The following CPVL variants were observed in gnomAD, a reference collection of about 807,000 sequenced individuals.
The protein encoded by CPVL is carboxypeptidase vitellogenic like.
In CPVL, 51 loss-of-function variants were observed where a neutral mutation model predicts 63.7. The observed-to-expected ratio is 0.80, with a 90% CI of 0.64 to 1.01. The LOEUF (loss-of-function observed/expected upper bound fraction) is 1.01, where lower values mean the gene tolerates loss of function less well. CPVL is among the 50% of genes least tolerant of loss of function. CPVL has a pLI of 0.00. For missense variants in CPVL, 530 were observed against 573.1 expected (o/e 0.92, Z 0.77); for synonymous variants, 195 against 206.0 (o/e 0.95, Z 0.46).
intron 11 of CPVL, among the ~76,000 whole-genome samples, chr7:29,046,629 GA>G (rs1444519261): frequency 6.6e-6 from 1 of 151,562 alleles, no homozygotes; most frequent in Non-Finnish European, 1.5e-5. Flanking sequence ...CAGCACAAAT[GA>G]TTTTTTTTTT....
chr7:29,064,237 G>C lies in CPVL; in HGVS notation c.964-3C>G, dbSNP rs1277909657. On this transcript the variant is annotated splice_polypyrimidine_tract_variant and splice_region_variant and intron_variant, in intron 10 of 12. Transcript: ENST00000265394. ...TAGTAAAGCTGATCCTCAGGTTCCT[G>C]GCAGAAGGGGCATTGGAAAGACATA... is the stretch of plus-strand genomic sequence containing the variant. 2 of 1,601,274 alleles carry C rather than the reference G, an allele frequency of 1.2e-6. No homozygotes were observed. Among genetic ancestry groups the C allele is most frequent in the African/African-American group, 2.7e-5 (2 of 74,546 alleles).
chr7:29,061,940 T>A, intron 11 of CPVL, among the ~76,000 whole-genome samples: 1 of 128,252 alleles, frequency 7.8e-6, no homozygotes, highest in Non-Finnish European at 1.5e-5. Flanking sequence ...CAAAACTCTA[T>A]CTCAAAAAAA....
chr7:29,186,253 C>CAA (rs70980510), intron 2 of CPVL, among the ~76,000 whole-genome samples: 45 of 146,186 alleles, frequency 3.1e-4, no homozygotes, highest in African/African-American at 9.5e-4. Context: ...ATGTTTTAGG[C>CAA]AAAAAAAAAA....
At chr7:29,151,399 C>G (rs1481536714), upstream of CPVL, among the ~76,000 whole-genome samples, 1 of 152,146 alleles carries the variant, frequency 6.6e-6, no homozygotes, top group African/African-American at 2.4e-5. Flanking sequence ...TTACAAAAGG[C>G]ATATTTTCAG....
chr7:29,156,619 T>C (rs1199971527), intron 5 of CPVL, among the ~76,000 whole-genome samples: 2 of 152,220 alleles, frequency 1.3e-5, no homozygotes, highest in Non-Finnish European at 2.9e-5. Context: ...TTTGTGGGTT[T>C]TTTTTCCTCT....
chr7:29,051,829 G>A (rs1048309394), intron 11 of CPVL, among the ~76,000 whole-genome samples: 3 of 151,730 alleles, frequency 2.0e-5, no homozygotes, highest in African/African-American at 7.3e-5. Context: ...TGCAAAATCC[G>A]TGGAACCAAA....
intron 6 of CPVL, among the ~76,000 whole-genome samples, chr7:29,088,450 A>G (rs537360070): frequency 7.0e-6 from 1 of 142,402 alleles, no homozygotes; most frequent in South Asian, 2.4e-4. Context: ...TTCACAGCCA[A>G]AAAACTGGCT....
intron 12 of CPVL, among the ~76,000 whole-genome samples, chr7:29,022,615 T>C (rs1216323574): frequency 4.6e-5 from 7 of 152,322 alleles, no homozygotes; most frequent in African/African-American, 1.7e-4. Flanking sequence ...ATGCCTTCTA[T>C]GGAGCTGACA....
At chr7:29,174,487 C>T (rs866970198) in intron 5 of CPVL, among the ~76,000 whole-genome samples, 1 of 152,064 alleles carries the variant, frequency 6.6e-6, no homozygotes, top group East Asian at 1.9e-4. Flanking sequence ...AGCTGATTAG[C>T]CATGGGGGCA....
chr7:29,125,683 G>A (rs1284802889), intron 1 of CPVL, among the ~76,000 whole-genome samples: 1 of 151,902 alleles, frequency 6.6e-6, no homozygotes, highest in African/African-American at 2.4e-5. Context: ...GTGAGCCACC[G>A]CCCCCGGCCT....
intron 5 of CPVL, among the ~76,000 whole-genome samples, chr7:29,169,880 G>GTGTGTA (rs148266761): frequency 0.12 from 17,924 of 149,706 alleles, 1,247 homozygotes; most frequent in African/African-American, 0.18. Context: ...GTGTGTGTGT[G>GTGTGTA]TATATATATA....
chr7:29,075,537 A>G (rs958094634), intron 7 of CPVL, among the ~76,000 whole-genome samples: 1 of 148,210 alleles, frequency 6.7e-6, no homozygotes, highest in African/African-American at 2.5e-5. Flanking sequence ...AAAAAAAAAA[A>G]GCCATCACTG....
intron 11 of CPVL, among the ~76,000 whole-genome samples, chr7:29,062,960 C>T (rs552311450): frequency 6.6e-6 from 1 of 152,268 alleles, no homozygotes; most frequent in East Asian, 1.9e-4. Context: ...TACAGGCATC[C>T]TTCGGAGTTG....
chr7:29,070,167 C>T (rs191145373), intron 9 of CPVL, among the ~76,000 whole-genome samples: 2 of 152,154 alleles, frequency 1.3e-5, no homozygotes, highest in African/African-American at 4.8e-5. Flanking sequence ...AAACGTTTTA[C>T]CTGCTTGGGG....
chr7:29,112,672 G>A (rs760028915), intron 3 of CPVL, 32 bp downstream of exon 3: 7 of 1,452,288 alleles, frequency 4.8e-6, no homozygotes, highest in Non-Finnish European at 6.8e-6. Flanking sequence ...GCCAGGTCTT[G>A]AACACTGGTG....
At chr7:29,020,830 G>A (rs1043930793) in intron 12 of CPVL, among the ~76,000 whole-genome samples, 11 of 152,276 alleles carry the variant, frequency 7.2e-5, no homozygotes, top group South Asian at 2.1e-4. Flanking sequence ...GGCAAGAGAG[G>A]TGCTAATTAC....
chr7:29,027,104 C>G (rs1413205905), intron 12 of CPVL, among the ~76,000 whole-genome samples: 1 of 152,090 alleles, frequency 6.6e-6, no homozygotes, highest in Non-Finnish European at 1.5e-5. Flanking sequence ...TACTAGCAAA[C>G]AGAATCCAAC....
chr7:29,098,371 G>C (rs572455096), intron 3 of CPVL, among the ~76,000 whole-genome samples: 1 of 152,186 alleles, frequency 6.6e-6, no homozygotes, highest in African/African-American at 2.4e-5. Flanking sequence ...GGCCCAGGGG[G>C]ACCTGCTACA....
At chr7:29,174,942 T>A (rs1466137591) in intron 5 of CPVL, among the ~76,000 whole-genome samples, 2 of 151,984 alleles carry the variant, frequency 1.3e-5, no homozygotes, top group Non-Finnish European at 2.9e-5. Context: ...AACAAAATTC[T>A]ATAAATGAAA....
Sources: gnomAD v4.1 joint callset for allele counts (sites outside exome capture counted in the v4.1 genomes callset) on GRCh38, gnomAD v4.1.1 for gene constraint, MANE v1.5 for transcripts, NCBI Gene and HGNC (gene_info 2026-07-23, HGNC 2026-07-21) for gene names.